The following SVOPL variants were observed in gnomAD, a reference collection of about 807,000 sequenced individuals.
The protein encoded by SVOPL is SVOP like.
Under a neutral mutation model 61.0 loss-of-function variants are expected in SVOPL, and 60 were observed. That is an observed-to-expected ratio of 0.98 (90% CI 0.80 to 1.22). SVOPL has a LOEUF of 1.22. Ranked by LOEUF, SVOPL falls within the 50% of genes most tolerant of loss-of-function variation. SVOPL has a pLI of 0.00. For missense variants in SVOPL, 662 were observed against 643.9 expected (o/e 1.03, Z -0.30); for synonymous variants, 279 against 250.0 (o/e 1.12, Z -1.09).
At chr7:138,674,734 T>C (rs1186725669) in intron 3 of SVOPL, among the ~76,000 whole-genome samples, 1 of 151,874 alleles carries the variant, frequency 6.6e-6, no homozygotes, top group Non-Finnish European at 1.5e-5. Flanking sequence ...CAGGCGCCTG[T>C]AGTCCCAGCT....
intron 9 of SVOPL, among the ~76,000 whole-genome samples, chr7:138,633,903 C>T (rs1255615453): frequency 6.6e-6 from 1 of 152,184 alleles, no homozygotes; most frequent in African/African-American, 2.4e-5. Flanking sequence ...GGGAAGCCCA[C>T]CTCTTGCCTG....
At chr7:138,692,833 T>C (rs1249657167) in intron 1 of SVOPL, among the ~76,000 whole-genome samples, 4 of 152,174 alleles carry the variant, frequency 2.6e-5, no homozygotes, top group Non-Finnish European at 5.9e-5. Flanking sequence ...TTGATTGTGG[T>C]TTCAGGACGG....
At chr7:138,671,361 T>C (rs1277564920) in intron 4 of SVOPL, among the ~76,000 whole-genome samples, 2 of 152,174 alleles carry the variant, frequency 1.3e-5, no homozygotes, top group African/African-American at 4.8e-5. Flanking sequence ...ATTTTTTCTT[T>C]TTTGAGATGG....
At chr7:138,661,748 TA>T in intron 5 of SVOPL, 3 of 877,620 alleles carry the variant, frequency 3.4e-6, no homozygotes, top group Non-Finnish European at 2.7e-6. Flanking sequence ...TCTCCTCCTT[TA>T]AAAAACCCAC....
intron 1 of SVOPL, among the ~76,000 whole-genome samples, chr7:138,692,975 T>G (rs1451912272): frequency 1.3e-5 from 2 of 152,076 alleles, no homozygotes; most frequent in African/African-American, 4.8e-5. Context: ...TAACTAAAGT[T>G]CACATAATAA....
chr7:138,690,655 A>G (rs1330874010), intron 1 of SVOPL, among the ~76,000 whole-genome samples: 2 of 152,130 alleles, frequency 1.3e-5, no homozygotes, highest in African/African-American at 4.8e-5. Flanking sequence ...AGTGACTGAT[A>G]ATAGGTGTGA....
At chr7:138,615,961 A>G (rs1055835765) in intron 14 of SVOPL, among the ~76,000 whole-genome samples, 20 of 152,020 alleles carry the variant, frequency 1.3e-4, no homozygotes, top group African/African-American at 4.8e-4. Flanking sequence ...CCCTCACTAG[A>G]CCCAGTTTAA....
intron 1 of SVOPL, among the ~76,000 whole-genome samples, chr7:138,690,448 G>A (rs1338633763): frequency 1.3e-5 from 2 of 152,158 alleles, no homozygotes; most frequent in Non-Finnish European, 2.9e-5. Context: ...CCATACAATG[G>A]AATATCATTC....
rs73164675 is a variant in SVOPL at position 138,656,386 on chromosome 7, C to G, written c.534+62G>C. The stretch of plus-strand genomic sequence containing the variant: ...AAACCAGCAGTATTTCCAAGGTATG[C>G]CTATATGTACATCTTATCCCATAGG... On this transcript the variant is annotated intron_variant, in intron 7 of 15. Transcript: ENST00000674285. 2,204 of 1,518,612 alleles carry G rather than the reference C, an allele frequency of 1.5e-3. 2 individuals carry two copies. Among genetic ancestry groups the G allele is most frequent in the Non-Finnish European group, 1.8e-3 (1,986 of 1,097,660 alleles). The allele number at this position is 1,518,612 out of a possible 1,614,324, so 94.1% of individuals were successfully genotyped here.
At chr7:138,611,059 T>G (rs1156640993) in intron 14 of SVOPL, among the ~76,000 whole-genome samples, 1 of 152,186 alleles carries the variant, frequency 6.6e-6, no homozygotes, top group East Asian at 1.9e-4. Flanking sequence ...CCGTGGACTC[T>G]TCTCTTTTGC....
intron 1 of SVOPL, among the ~76,000 whole-genome samples, chr7:138,686,361 G>A (rs1192459352): frequency 3.4e-5 from 5 of 145,730 alleles, no homozygotes; most frequent in South Asian, 2.2e-4. Context: ...AGCCGAGATC[G>A]TGCCACTTCA....
At chr7:138,648,971 CAGG>C in intron 8 of SVOPL, 38 bp downstream of exon 8, 2 of 1,611,500 alleles carry the variant, frequency 1.2e-6, no homozygotes, top group Non-Finnish European at 1.7e-6. Flanking sequence ...ACTGGACCAG[CAGG>C]AGGAGGGGAC....
At chr7:138,613,667 T>C (rs1272379429) in intron 14 of SVOPL, among the ~76,000 whole-genome samples, 2 of 152,152 alleles carry the variant, frequency 1.3e-5, no homozygotes, top group African/African-American at 4.8e-5. Flanking sequence ...CTCATTACCA[T>C]AGTACCTCCA....
chr7:138,684,550 AAAACCAC>A (rs758222400), intron 1 of SVOPL, among the ~76,000 whole-genome samples: 82 of 152,340 alleles, frequency 5.4e-4, no homozygotes, highest in Non-Finnish European at 8.2e-4. Context: ...AATGCAAATC[AAAACCAC>A]AGTGAGACAT....
At chr7:138,602,441 C>CTATATATATATATATA (rs59400217) in intron 14 of SVOPL, among the ~76,000 whole-genome samples, 120 of 140,666 alleles carry the variant, frequency 8.5e-4, no homozygotes, top group African/African-American at 1.3e-3. Flanking sequence ...AAGGCAGTTG[C>CTATATATATATATATA]TATATATATA....
chr7:138,647,426 C>G (rs1801173268), intron 8 of SVOPL, among the ~76,000 whole-genome samples: 1 of 151,828 alleles, frequency 6.6e-6, no homozygotes, highest in Non-Finnish European at 1.5e-5. Context: ...GAAGATAGCT[C>G]TATGGTCTTC....
At chr7:138,685,654 A>G (rs1802791787) in intron 1 of SVOPL, among the ~76,000 whole-genome samples, 1 of 152,020 alleles carries the variant, frequency 6.6e-6, no homozygotes, top group Non-Finnish European at 1.5e-5. Context: ...AATCCCAGGA[A>G]TTTGAGACCA....
chr7:138,599,125 T>C (rs1798398307), intron 14 of SVOPL, among the ~76,000 whole-genome samples: 1 of 100,490 alleles, frequency 1.0e-5, no homozygotes, highest in African/African-American at 4.3e-5. Context: ...CTGGGCAACA[T>C]AGTGAGATCC....
In SVOPL at chr7:138,649,121, C is replaced by T. The variant is rs1801292938; in HGVS notation, c.551G>A (p.Gly184Asp). ...GGCCAAGCCAATGATGAGCAGGGAG[C>T]CCGCAAGCCAGAACACCTAGGAAGA... ...LPLSQVFWLA[G>D]SLLIIGLASV... The change falls in exon 8 of 16, where the codon GGC (glycine) becomes GAC (aspartate). Residue 184 changes from glycine (G) to aspartate (D), a missense_variant. Physicochemically the swap from Gly to Asp is moderately conservative, Grantham distance 94. Transcript: ENST00000674285. The T allele has an allele frequency of 6.2e-7, 1 of 1,613,236 alleles. No individual in the cohort carries two copies.
Sources: gnomAD v4.1 joint callset for allele counts (sites outside exome capture counted in the v4.1 genomes callset) on GRCh38, gnomAD v4.1.1 for gene constraint, MANE v1.5 for transcripts, NCBI Gene and HGNC (gene_info 2026-07-23, HGNC 2026-07-21) for gene names.